The following CLSTN2 variants were observed in gnomAD, a reference collection of about 807,000 sequenced individuals.
The protein encoded by CLSTN2 is calsyntenin 2, also known as calsyntenin-2.
CLSTN2 carries 48 observed loss-of-function variants against 101.2 expected under a neutral mutation model. That is an observed-to-expected ratio of 0.47 (90% confidence interval 0.38 to 0.60). The LOEUF is 0.60. Ranked by LOEUF, CLSTN2 falls within the 20% of genes least tolerant of loss-of-function variation. The pLI is 0.00. For missense variants in CLSTN2, 1,160 were observed against 1,238.2 expected (o/e 0.94, Z 0.95); for synonymous variants, 481 against 463.6 (o/e 1.04, Z -0.48).
At chr3:140,536,332 C>T (rs542438412) in intron 9 of CLSTN2, among the ~76,000 whole-genome samples, 2 of 152,126 alleles carry the variant, frequency 1.3e-5, no homozygotes, top group East Asian at 1.9e-4. Context: ...AATTTTAGAA[C>T]ATCTCCCTGT....
intron 2 of CLSTN2, among the ~76,000 whole-genome samples, chr3:140,332,369 A>T (rs1479565477): frequency 6.6e-6 from 1 of 152,234 alleles, no homozygotes; most frequent in Admixed American, 6.5e-5. Context: ...ATCCTGGAGG[A>T]AAAGCCTATT....
intron 2 of CLSTN2, among the ~76,000 whole-genome samples, chr3:140,177,031 A>G (rs934223674): frequency 6.6e-6 from 1 of 152,182 alleles, no homozygotes; most frequent in African/African-American, 2.4e-5. Flanking sequence ...ATCTTTCATT[A>G]TGGAATATTA....
Position 140,055,107 on chromosome 3 carries a change from G to A in CLSTN2, c.109+119624G>A, listed in dbSNP as rs565242032. Among the ~76,000 whole-genome samples the A allele has an allele frequency of 2.6e-5, 4 of 152,344 alleles. No individual in the cohort carries two copies. In the East Asian group the frequency reaches 7.7e-4, roughly 29 times the overall value. On this transcript the variant is annotated intron_variant, in intron 1 of 16. Coordinates refer to ENST00000458420, the MANE Select transcript of CLSTN2 (RefSeq NM_022131.3). Reference sequence around the variant, plus strand: ...CTTCTAGATAGGAAAGCAGCTCAGTGATGTGTAAAACTTTCATTTTCATCT... The same window carrying A: ...CTTCTAGATAGGAAAGCAGCTCAGTAATGTGTAAAACTTTCATTTTCATCT...
chr3:140,280,386 T>G (rs1468853869), intron 2 of CLSTN2, among the ~76,000 whole-genome samples: 1 of 152,146 alleles, frequency 6.6e-6, no homozygotes, highest in Non-Finnish European at 1.5e-5. Context: ...CTAGATTTAT[T>G]TGCATTGAAA....
intron 2 of CLSTN2, among the ~76,000 whole-genome samples, chr3:140,217,668 G>C (rs1368741095): frequency 2.6e-5 from 4 of 152,208 alleles, no homozygotes; most frequent in African/African-American, 9.6e-5. Context: ...CCTAGGATTT[G>C]TGGCATATAT....
At chr3:140,038,518 T>C (rs1307974794) in intron 1 of CLSTN2, among the ~76,000 whole-genome samples, 1 of 152,228 alleles carries the variant, frequency 6.6e-6, no homozygotes, top group African/African-American at 2.4e-5. Context: ...TGATATTTTC[T>C]TTCGGTGTGC....
chr3:140,288,127 C>T (rs10617663), intron 2 of CLSTN2, among the ~76,000 whole-genome samples: 18 of 3,626 alleles, frequency 5.0e-3, no homozygotes, highest in Middle Eastern at 0.17. Flanking sequence ...AACAGGAAAC[C>T]GGCGGGGGGG....
At chr3:140,123,935 A>T (rs1186186877) in intron 1 of CLSTN2, among the ~76,000 whole-genome samples, 1 of 151,958 alleles carries the variant, frequency 6.6e-6, no homozygotes, top group Non-Finnish European at 1.5e-5. Flanking sequence ...TTTAACCTTA[A>T]TTACCTCCTA....
rs1424978975 is a variant in CLSTN2, at chr3:140,360,018, A to ACG, written c.233-43610_233-43609insGC. Among the ~76,000 whole-genome samples, 384 of 151,780 alleles carry ACG rather than the reference A, an allele frequency of 2.5e-3. 2 individuals carry two copies. The highest frequency in any genetic ancestry group is 8.8e-3 in the African/African-American group (365 of 41,376). On this transcript the variant is annotated intron_variant, in intron 2 of 16. Coordinates refer to ENST00000458420, the MANE Select transcript of CLSTN2 (RefSeq NM_022131.3). ...TACACACACACACACACACACACACACACACACACATATATATATATAGTT... is the reference window on the plus strand; with the variant it reads ...TACACACACACACACACACACACACACGCACACACACATATATATATATAGTT...
intron 5 of CLSTN2, among the ~76,000 whole-genome samples, chr3:140,447,991 T>G (rs1933133624): frequency 6.6e-6 from 1 of 152,094 alleles, no homozygotes; most frequent in African/African-American, 2.4e-5. Context: ...ATAACAAACC[T>G]GCACATGTAC....
intron 2 of CLSTN2, among the ~76,000 whole-genome samples, chr3:140,341,336 T>C (rs1174585359): frequency 6.6e-6 from 1 of 152,232 alleles, no homozygotes; most frequent in Non-Finnish European, 1.5e-5. Flanking sequence ...ATTTGGCCAC[T>C]GGCCTTGATT....
intron 1 of CLSTN2, among the ~76,000 whole-genome samples, chr3:140,101,301 A>G (rs1277088057): frequency 6.6e-6 from 1 of 152,176 alleles, no homozygotes; most frequent in African/African-American, 2.4e-5. Flanking sequence ...TTATTTTATC[A>G]GCTAGTCACC....
At chr3:140,556,018 A>C (rs1025001096) in intron 10 of CLSTN2, among the ~76,000 whole-genome samples, 9 of 152,242 alleles carry the variant, frequency 5.9e-5, no homozygotes, top group African/African-American at 2.2e-4. Context: ...AGAGAGAAAG[A>C]AAGCCATTAA....
At chr3:140,490,574 G>A (rs1214588866) in intron 8 of CLSTN2, among the ~76,000 whole-genome samples, 2 of 140,838 alleles carry the variant, frequency 1.4e-5, no homozygotes, top group African/African-American at 5.2e-5. Flanking sequence ...CATCCTGGGT[G>A]ACAGAGCGAG....
chr3:140,283,138 G>T (rs765996913), intron 2 of CLSTN2, among the ~76,000 whole-genome samples: 51 of 152,026 alleles, frequency 3.4e-4, no homozygotes, highest in Non-Finnish European at 4.9e-4. Flanking sequence ...AAAAATAATA[G>T]AAATACTTTA....
chr3:140,147,218 G>A (rs987387183), intron 1 of CLSTN2, among the ~76,000 whole-genome samples: 1 of 152,200 alleles, frequency 6.6e-6, no homozygotes, highest in East Asian at 1.9e-4. Flanking sequence ...ACTCACCCTA[G>A]GAAATCAGGA....
intron 2 of CLSTN2, among the ~76,000 whole-genome samples, chr3:140,325,098 A>G (rs1350519423): frequency 6.6e-6 from 1 of 152,202 alleles, no homozygotes. Context: ...AGGTCTCACT[A>G]TATTACTCAG....
chr3:140,359,995 C>T (rs1484432169), intron 2 of CLSTN2, among the ~76,000 whole-genome samples: 4 of 31,898 alleles, frequency 1.3e-4, no homozygotes, highest in African/African-American at 2.5e-4. Context: ...ATATTTTATA[C>T]ACACACACAC....
chr3:140,425,165 C>G (rs1419528497), intron 5 of CLSTN2, among the ~76,000 whole-genome samples: 3 of 152,198 alleles, frequency 2.0e-5, no homozygotes, highest in Non-Finnish European at 4.4e-5. Flanking sequence ...CGCAAGAGCT[C>G]CCACCTCCCC....
Sources: allele counts gnomAD v4.1 joint callset (sites outside exome capture counted in the v4.1 genomes callset), GRCh38; gene constraint gnomAD v4.1.1; transcripts MANE v1.5; gene names NCBI Gene and HGNC (gene_info 2026-07-23, HGNC 2026-07-21).